Variants in SLC24A2 observed in about 807,000 individuals in gnomAD.
SLC24A2 encodes solute carrier family 24 member 2.
In SLC24A2, 36 loss-of-function variants were observed where a neutral mutation model predicts 62.0. That is an observed-to-expected ratio of 0.58 (90% CI 0.44 to 0.77). SLC24A2 has a LOEUF of 0.77. Among genes scored for constraint, SLC24A2 ranks in the 30% least tolerant of loss-of-function variants. SLC24A2 has a pLI of 0.00. For synonymous variants in SLC24A2, 358 were observed against 294.0 expected (o/e 1.22, Z -2.23); for missense variants, 846 against 817.9 (o/e 1.03, Z -0.42).
the SLC24A2 span, among the ~76,000 whole-genome samples, chr9:20,036,249 T>C: frequency 2.0e-5 from 3 of 152,232 alleles, no homozygotes; most frequent in Non-Finnish European, 4.4e-5. Context: ...AGTGATGCTA[T>C]GATTTTTTAA....
At chr9:19,770,762 T>C (rs1822662558) in intron 2 of SLC24A2, among the ~76,000 whole-genome samples, 1 of 152,180 alleles carries the variant, frequency 6.6e-6, no homozygotes, top group Non-Finnish European at 1.5e-5. Flanking sequence ...GTCAGTAAGA[T>C]CCTCAGAAAG....
At chr9:19,960,816 T>C in the SLC24A2 span, among the ~76,000 whole-genome samples, 2 of 152,162 alleles carry the variant, frequency 1.3e-5, no homozygotes. Context: ...CTTCACAGGG[T>C]TGTCGTGAGC....
the SLC24A2 span, among the ~76,000 whole-genome samples, chr9:20,065,563 A>G: frequency 6.6e-6 from 1 of 152,232 alleles, no homozygotes; most frequent in South Asian, 2.1e-4. Context: ...CAACACTGTG[A>G]CATGGGCATT....
At chr9:20,004,249 C>G in the SLC24A2 span, among the ~76,000 whole-genome samples, 10 of 152,202 alleles carry the variant, frequency 6.6e-5, no homozygotes, top group South Asian at 4.1e-4. Context: ...TAGCCTCCTA[C>G]CTTTGGAGGT....
the SLC24A2 span, among the ~76,000 whole-genome samples, chr9:20,011,880 C>T: frequency 6.6e-6 from 1 of 152,098 alleles, no homozygotes; most frequent in Non-Finnish European, 1.5e-5. Flanking sequence ...TCAAAGATGG[C>T]TCAACATATG....
At chr9:20,237,848 G>A in the SLC24A2 span, among the ~76,000 whole-genome samples, 1 of 152,252 alleles carries the variant, frequency 6.6e-6, no homozygotes, top group South Asian at 2.1e-4. Context: ...CCTCTAGATA[G>A]AAGTAGTCTC....
intron 4 of SLC24A2, among the ~76,000 whole-genome samples, chr9:19,608,051 A>T (rs1837040625): frequency 1.3e-5 from 2 of 152,162 alleles, no homozygotes; most frequent in African/African-American, 4.8e-5. Context: ...CTATCCAGGG[A>T]TTGATACTAC....
chr9:20,005,543 G>A, the SLC24A2 span, among the ~76,000 whole-genome samples: 1 of 151,882 alleles, frequency 6.6e-6, no homozygotes, highest in Admixed American at 6.6e-5. Flanking sequence ...GCTGAGCAAA[G>A]ACTTGAACTC....
chr9:19,706,528 C>T lies in SLC24A2; in HGVS notation c.930+79409G>A, dbSNP rs553363395. On this transcript the variant is annotated intron_variant, in intron 2 of 10. Coordinates refer to ENST00000341998, the MANE Select transcript of SLC24A2 (RefSeq NM_020344.4). ...CCGTGTAGCTGGGACTACAGGCACG[C>T]GCCACCATGCCCGGCTAATTTTTGT... Among the ~76,000 whole-genome samples the T allele has an allele frequency of 8.3e-3, 1,260 of 151,974 alleles. 22 individuals carry two copies. The highest frequency in any genetic ancestry group is 0.029 in the African/African-American group (1,205 of 41,434).
At chr9:20,019,065 G>GA in the SLC24A2 span, among the ~76,000 whole-genome samples, 2 of 138,324 alleles carry the variant, frequency 1.4e-5, no homozygotes, top group South Asian at 4.6e-4. Flanking sequence ...CTCTGTCAAA[G>GA]AAAGAAACAG....
the SLC24A2 span, among the ~76,000 whole-genome samples, chr9:19,896,732 C>T: frequency 6.6e-6 from 1 of 152,152 alleles, no homozygotes; most frequent in Non-Finnish European, 1.5e-5. Flanking sequence ...AGACTTTGTC[C>T]ATCTTCTTAA....
the SLC24A2 span, among the ~76,000 whole-genome samples, chr9:20,123,259 T>G: frequency 2.0e-5 from 3 of 152,102 alleles, no homozygotes; most frequent in Non-Finnish European, 4.4e-5. Context: ...TATGAAGGCT[T>G]TACCTTCATG....
At chr9:19,661,069 G>T (rs1819084283) in intron 2 of SLC24A2, among the ~76,000 whole-genome samples, 1 of 152,136 alleles carries the variant, frequency 6.6e-6, no homozygotes, top group Non-Finnish European at 1.5e-5. Context: ...ATACTTACAG[G>T]CCTTGCATAT....
chr9:20,045,328 G>A, the SLC24A2 span, among the ~76,000 whole-genome samples: 2 of 152,082 alleles, frequency 1.3e-5, no homozygotes, highest in Non-Finnish European at 2.9e-5. Context: ...TCTACTAGGT[G>A]GGGAGTCTCC....
At chr9:19,772,936 A>G (rs1822733401) in intron 2 of SLC24A2, among the ~76,000 whole-genome samples, 1 of 152,216 alleles carries the variant, frequency 6.6e-6, no homozygotes, top group Non-Finnish European at 1.5e-5. Context: ...TGTGAAAACA[A>G]TCTAAATTCA....
At chr9:20,217,401 C>G in the SLC24A2 span, among the ~76,000 whole-genome samples, 4 of 152,276 alleles carry the variant, frequency 2.6e-5, no homozygotes, top group African/African-American at 7.2e-5. Context: ...CAGGTACTGG[C>G]TACACTGATG....
the SLC24A2 span, among the ~76,000 whole-genome samples, chr9:19,894,395 T>G: frequency 1.3e-5 from 2 of 152,214 alleles, no homozygotes; most frequent in African/African-American, 4.8e-5. Context: ...TTGAATACGT[T>G]TATATATTCA....
chr9:19,997,536 A>T, the SLC24A2 span, among the ~76,000 whole-genome samples: 1 of 151,948 alleles, frequency 6.6e-6, no homozygotes. Flanking sequence ...CATTCAGCAC[A>T]CTCTCAGCAA....
chr9:19,891,139 C>A, the SLC24A2 span, among the ~76,000 whole-genome samples: 1 of 152,176 alleles, frequency 6.6e-6, no homozygotes, highest in Non-Finnish European at 1.5e-5. Flanking sequence ...ACCTGGTTGG[C>A]CCATCTCCAT....
Sources: gnomAD v4.1 joint callset for allele counts (sites outside exome capture counted in the v4.1 genomes callset) on GRCh38, gnomAD v4.1.1 for gene constraint, MANE v1.5 for transcripts, NCBI Gene and HGNC (gene_info 2026-07-23, HGNC 2026-07-21) for gene names.